The following AK5 variants were observed in gnomAD, a reference collection of about 807,000 sequenced individuals.
The protein encoded by AK5 is adenylate kinase isoenzyme 5.
A neutral mutation model predicts 69.5 loss-of-function variants in AK5; 27 were observed. The ratio of observed to expected loss-of-function variants is 0.39; its 90% CI spans 0.29 to 0.54. The LOEUF is 0.54. AK5 is among the 20% of genes least tolerant of loss of function. The pLI is 0.71. For missense variants in AK5, 531 were observed against 700.4 expected (o/e 0.76, Z 2.73); for synonymous variants, 260 against 244.4 (o/e 1.06, Z -0.60).
intron 10 of AK5, among the ~76,000 whole-genome samples, chr1:77,492,296 C>T (rs1288951886): frequency 6.6e-6 from 1 of 152,116 alleles, no homozygotes; most frequent in Non-Finnish European, 1.5e-5. Context: ...TCTTTCTTTT[C>T]TCTGTTTTTT....
chr1:77,438,446 C>T (rs1298130994), intron 8 of AK5, among the ~76,000 whole-genome samples: 1 of 152,034 alleles, frequency 6.6e-6, no homozygotes, highest in Admixed American at 6.6e-5. Flanking sequence ...TTGAGAATCT[C>T]GTTTTGTTTC....
chr1:77,411,112 A>T, intron 7 of AK5, 41 bp downstream of exon 7: 2 of 1,542,932 alleles, frequency 1.3e-6, no homozygotes, highest in South Asian at 2.3e-5. Context: ...CGCCGTGATC[A>T]CCTGCCAAAT....
At chr1:77,289,176 A>T (rs1658536994) in intron 2 of AK5, among the ~76,000 whole-genome samples, 3 of 152,178 alleles carry the variant, frequency 2.0e-5, no homozygotes, top group Admixed American at 6.5e-5. Flanking sequence ...ACGAGTAGCA[A>T]ATGAGCAGAA....
At chr1:77,385,983 A>G (rs1295353916) in intron 6 of AK5, among the ~76,000 whole-genome samples, 1 of 152,144 alleles carries the variant, frequency 6.6e-6, no homozygotes, top group Non-Finnish European at 1.5e-5. Context: ...AAGAGAGTAG[A>G]CTGCTATTTT....
chr1:77,376,785 A>T lies in AK5; in HGVS notation c.892-34196A>T, dbSNP rs545970505. Among the ~76,000 whole-genome samples, 9 of 151,950 alleles carry T rather than the reference A, an allele frequency of 5.9e-5. No individual in the cohort carries two copies. In the South Asian group the frequency reaches 6.2e-4, roughly 11 times the overall value. ...TGAGACCTCCTGTCTACAAAAAGAT[A>T]AAAAAAATTAGCTGATCATCATGGC... On this transcript the variant is annotated intron_variant, in intron 6 of 13. Transcript: ENST00000354567.
At chr1:77,423,082 G>T (rs907967101) in intron 8 of AK5, among the ~76,000 whole-genome samples, 2 of 151,952 alleles carry the variant, frequency 1.3e-5, no homozygotes, top group Admixed American at 1.3e-4. Context: ...TTAGCCGGGC[G>T]TGGTGGTGGG....
intron 5 of AK5, among the ~76,000 whole-genome samples, chr1:77,319,575 G>A (rs1342998660): frequency 6.6e-6 from 1 of 152,154 alleles, no homozygotes; most frequent in Non-Finnish European, 1.5e-5. Flanking sequence ...ACAAAAGGCT[G>A]CCCAGTGGTA....
intron 6 of AK5, among the ~76,000 whole-genome samples, chr1:77,396,140 T>G (rs960598943): frequency 6.6e-6 from 1 of 152,224 alleles, no homozygotes; most frequent in Admixed American, 6.5e-5. Context: ...TCTGCCATTT[T>G]AGTGGAAGAA....
At chr1:77,442,810 C>T (rs746555267) in intron 8 of AK5, among the ~76,000 whole-genome samples, 17 of 152,168 alleles carry the variant, frequency 1.1e-4, no homozygotes, top group Non-Finnish European at 2.4e-4. Flanking sequence ...GGATCAATAA[C>T]AAGGATGGTG....
At chr1:77,536,822 A>C (rs909438808) in intron 13 of AK5, among the ~76,000 whole-genome samples, 3 of 152,182 alleles carry the variant, frequency 2.0e-5, no homozygotes, top group African/African-American at 7.2e-5. Flanking sequence ...ACATTTTTAG[A>C]AGAAGCTGCA....
chr1:77,291,746 A>G (rs555652799), intron 2 of AK5, among the ~76,000 whole-genome samples: 7 of 152,324 alleles, frequency 4.6e-5, no homozygotes, highest in African/African-American at 1.7e-4. Context: ...ACCGTAGGTA[A>G]GGCCCCTGCT....
At chr1:77,295,054 G>A (rs1413717698) in intron 3 of AK5, among the ~76,000 whole-genome samples, 1 of 152,074 alleles carries the variant, frequency 6.6e-6, no homozygotes, top group Non-Finnish European at 1.5e-5. Context: ...TTTTTGCAAA[G>A]TCTTTCTCAA....
At chr1:77,376,150 C>T (rs1025680570) in intron 6 of AK5, among the ~76,000 whole-genome samples, 3 of 152,184 alleles carry the variant, frequency 2.0e-5, no homozygotes, top group African/African-American at 7.2e-5. Context: ...TGCGTGAAAA[C>T]TCCAAGAGGA....
rs543639104 is a variant in AK5 at position 77,531,583 on chromosome 1, T to C, written c.1429-4264T>C. On this transcript the variant is annotated intron_variant, in intron 12 of 13. Coordinates refer to ENST00000354567, the MANE Select transcript of AK5 (RefSeq NM_174858.3). ...CCCTGAGCTATCCACAGGGTGCTGA[T>C]TGGTGTGTTTACAAACCTTGAGCTA... 7.9e-5 allele frequency among the ~76,000 whole-genome samples: 12 copies of C among 152,326 alleles called. No homozygotes were observed. In the South Asian group the frequency reaches 1.7e-3, roughly 21 times the overall value.
At chr1:77,358,491 G>A (rs1646790654) in intron 6 of AK5, among the ~76,000 whole-genome samples, 1 of 152,134 alleles carries the variant, frequency 6.6e-6, no homozygotes, top group Non-Finnish European at 1.5e-5. Context: ...AGCAGCTGCA[G>A]AACCCTCTGC....
intron 7 of AK5, among the ~76,000 whole-genome samples, chr1:77,412,300 C>T (rs1650097190): frequency 6.6e-6 from 1 of 152,128 alleles, no homozygotes; most frequent in South Asian, 2.1e-4. Flanking sequence ...GTGCTGTGTC[C>T]TCATTCTCTT....
In AK5 at chr1:77,558,711, A is replaced by T; in HGVS notation, c.*41A>T. ...TTTGTTAGAATGGAAACAGAAAAAC[A>T]TTAAAAAGTTCATTCCTTAACACAA... On this transcript the variant is annotated 3_prime_UTR_variant, in exon 14 of 14. Coordinates refer to ENST00000354567, the MANE Select transcript of AK5 (RefSeq NM_174858.3). 2 of 1,366,716 alleles carry T rather than the reference A, an allele frequency of 1.5e-6. No individual in the cohort carries two copies. The highest frequency in any genetic ancestry group is 2.1e-6 in the Non-Finnish European group (2 of 958,700). 84.7% of individuals were successfully genotyped at this position (1,366,716 alleles called of 1,614,324 possible).
intron 5 of AK5, among the ~76,000 whole-genome samples, chr1:77,310,015 C>T (rs1659855371): frequency 6.6e-6 from 1 of 152,006 alleles, no homozygotes; most frequent in Non-Finnish European, 1.5e-5. Context: ...AAGTGTTCCC[C>T]ATAATCTCAT....
At chr1:77,427,145 T>A (rs114075935) in intron 8 of AK5, among the ~76,000 whole-genome samples, 223 of 151,476 alleles carry the variant, frequency 1.5e-3, no homozygotes, top group African/African-American at 5.2e-3. Flanking sequence ...AAAAAACTAA[T>A]AAAAATTAAA....
Sources: allele counts gnomAD v4.1 joint callset (sites outside exome capture counted in the v4.1 genomes callset), GRCh38; gene constraint gnomAD v4.1.1; transcripts MANE v1.5; gene names NCBI Gene and HGNC (gene_info 2026-07-23, HGNC 2026-07-21).